Variants in SOAT1 observed in about 807,000 individuals in gnomAD.
The protein encoded by SOAT1 is acyl-coenzyme A:cholesterol acyltransferase 1.
In SOAT1, 55 loss-of-function variants were observed where a neutral mutation model predicts 69.5. The ratio of observed to expected loss-of-function variants is 0.79; its 90% confidence interval spans 0.64 to 0.99. SOAT1 has a LOEUF of 0.99. Ranked by LOEUF, SOAT1 falls within the 50% of genes least tolerant of loss-of-function variation. The pLI is 0.00. For missense variants in SOAT1, 580 were observed against 669.3 expected, an observed-to-expected ratio of 0.87 and a Z score of 1.47; for synonymous variants, 231 against 224.7, an observed-to-expected ratio of 1.03 and a Z score of -0.25.
chr1:179,342,467 T>G (rs3753525), intron 8 of SOAT1, among the ~76,000 whole-genome samples: 114,229 of 151,758 alleles, frequency 0.75, 43,151 homozygotes, highest in East Asian at 0.88. Flanking sequence ...AAATATATAT[T>G]ATCCATATTG....
At chr1:179,330,701 G>A (rs928273683) in intron 3 of SOAT1, among the ~76,000 whole-genome samples, 7 of 152,202 alleles carry the variant, frequency 4.6e-5, no homozygotes, top group African/African-American at 1.7e-4. Context: ...CATGGTAGAC[G>A]TTTCTCACTG....
At position 179,336,851 on chromosome 1, in the gene SOAT1, C is replaced by T. The variant is rs115354023; in HGVS notation, c.330-986C>T. Among the ~76,000 whole-genome samples, 673 of 152,100 alleles carry T rather than the reference C, an allele frequency of 4.4e-3. 7 individuals are homozygous for T. The highest frequency in any genetic ancestry group is 0.015 in the African/African-American group (640 of 41,490). On this transcript the variant is annotated intron_variant, in intron 4 of 15. Transcript: ENST00000367619. The stretch of plus-strand genomic sequence containing the variant: ...CTCTACTAAAAATACAAAAATTAGC[C>T]GGGTGCCATGGCAAGTGCCTATAAT...
intron 1 of SOAT1, among the ~76,000 whole-genome samples, chr1:179,302,181 A>G (rs1004679407): frequency 2.6e-5 from 4 of 152,166 alleles, no homozygotes; most frequent in African/African-American, 9.7e-5. Context: ...GTACCCAGAA[A>G]ATGCTTTGAA....
chr1:179,333,773 C>T (rs908466859), intron 3 of SOAT1, among the ~76,000 whole-genome samples: 6 of 142,496 alleles, frequency 4.2e-5, no homozygotes, highest in Admixed American at 1.5e-4. Flanking sequence ...GTGGAGGTTG[C>T]GGTGAGCTAG....
rs1187625007 is a variant in SOAT1, at chr1:179,356,102, A to AT, written c.*2467dup. 12 of 152,112 alleles carry AT rather than the reference A, an allele frequency of 7.9e-5. 1 individual carries two copies. Among genetic ancestry groups the AT allele is most frequent in the Admixed American group, 4.6e-4 (7 of 15,262 alleles). 9.4% of individuals were successfully genotyped at this position (152,112 alleles called of 1,614,324 possible). On this transcript the variant is annotated 3_prime_UTR_variant, in exon 16 of 16. Coordinates refer to ENST00000367619, the MANE Select transcript of SOAT1 (RefSeq NM_003101.6). ...TCTTGCTAATGTTTCAGGAAGATTT[A>AT]TTTTTTCTATTTTGCTATTGTGGCG... is the stretch of plus-strand genomic sequence containing the variant.
rs907189534 is a variant in SOAT1, at chr1:179,354,995, C to G, written c.*1354C>G. ...ATTGTTTTAAAGTCAGTTTGAGTCT[C>G]ACAAGAAGGTAAGTAGAGTTTCTTA... On this transcript the variant is annotated 3_prime_UTR_variant, in exon 16 of 16. Transcript: ENST00000367619. 5 of 152,294 alleles carry G rather than the reference C, an allele frequency of 3.3e-5. No homozygotes were observed. The East Asian group carries it at 9.6e-4, about 29-fold the overall frequency. 9.4% of individuals were successfully genotyped at this position (152,294 alleles called of 1,614,324 possible).
intron 2 of SOAT1, among the ~76,000 whole-genome samples, chr1:179,314,257 C>G (rs184710666): frequency 2.0e-5 from 3 of 152,234 alleles, no homozygotes; most frequent in Non-Finnish European, 2.9e-5. Flanking sequence ...AGGGTTTGCC[C>G]TGCATGTATT....
chr1:179,353,221 A>ATAAATATATAAATATATATATATT (rs1571463716), intron 15 of SOAT1, among the ~76,000 whole-genome samples: 4 of 72,244 alleles, frequency 5.5e-5, no homozygotes, highest in African/African-American at 1.8e-4. Context: ...ATATATATAT[A>ATAAATATATAAATATATATATATT]TATCTATTTG....
chr1:179,335,655 GAAGT>G lies in SOAT1; in HGVS notation c.329+4_329+7del, dbSNP rs777659967. 396 of 1,609,860 alleles carry G rather than the reference GAAGT, an allele frequency of 2.5e-4. No individual in the cohort carries two copies. Among genetic ancestry groups the G allele is most frequent in the Non-Finnish European group, 3.3e-4 (384 of 1,178,272 alleles). ...AAGGAGAGAAAAACAACCATAGAGC[GAAGT>G]AAGTATGTGCTATTTTCTTTTAATG... is the stretch of plus-strand genomic sequence containing the variant. On this transcript the variant is annotated splice_donor_variant and coding_sequence_variant, in exon 4 of 16. Transcript: ENST00000367619. LOFTEE classifies it high-confidence loss of function.
intron 6 of SOAT1, 106 bp downstream of exon 6, chr1:179,339,651 A>G (rs1273266650): frequency 4.9e-6 from 3 of 610,642 alleles, no homozygotes; most frequent in African/African-American, 1.9e-5. Flanking sequence ...AGGAAATCCT[A>G]AAGCAGCAGA....
chr1:179,336,376 A>G (rs1434774045), intron 4 of SOAT1, among the ~76,000 whole-genome samples: 1 of 146,350 alleles, frequency 6.8e-6, no homozygotes. Context: ...CAGGAGACTG[A>G]GGCATGAGAA....
chr1:179,298,584 A>T (rs1664731374), intron 1 of SOAT1, among the ~76,000 whole-genome samples: 3 of 152,150 alleles, frequency 2.0e-5, no homozygotes, highest in Admixed American at 1.3e-4. Flanking sequence ...TTCCTGCCTC[A>T]GCCTCCTGAG....
chr1:179,308,438 G>A (rs1260718294), intron 2 of SOAT1, among the ~76,000 whole-genome samples: 1 of 151,962 alleles, frequency 6.6e-6, no homozygotes, highest in Non-Finnish European at 1.5e-5. Flanking sequence ...TTGGGAGGCC[G>A]AGGCAGGCAG....
chr1:179,315,275 C>T (rs1037688350), intron 2 of SOAT1, among the ~76,000 whole-genome samples: 9 of 152,006 alleles, frequency 5.9e-5, no homozygotes, highest in Non-Finnish European at 5.9e-5. Flanking sequence ...CGAGGCTCTG[C>T]CTTTACAAAA....
chr1:179,297,904 AG>A (rs1160261796), intron 1 of SOAT1, among the ~76,000 whole-genome samples: 1 of 150,376 alleles, frequency 6.6e-6, no homozygotes, highest in Non-Finnish European at 1.5e-5. Flanking sequence ...CCAGAGGCTG[AG>A]GCAGGAGAAT....
intron 3 of SOAT1, 108 bp downstream of exon 3, chr1:179,323,603 C>G (rs943302283): frequency 5.7e-6 from 5 of 874,812 alleles, no homozygotes; most frequent in Non-Finnish European, 7.3e-6. Context: ...AGCCATTCAT[C>G]AGTTGCTGTT....
chr1:179,313,179 C>G (rs974872663), intron 2 of SOAT1, among the ~76,000 whole-genome samples: 1 of 152,158 alleles, frequency 6.6e-6, no homozygotes, highest in Admixed American at 6.5e-5. Context: ...TGGCCGTGTT[C>G]ATTCTTTTGT....
intron 4 of SOAT1, among the ~76,000 whole-genome samples, chr1:179,337,382 G>A (rs1316356748): frequency 6.6e-6 from 1 of 152,220 alleles, no homozygotes; most frequent in Non-Finnish European, 1.5e-5. Flanking sequence ...AAACATCAGT[G>A]CAGTTTCAGA....
At chr1:179,301,803 C>T (rs562909720) in intron 1 of SOAT1, among the ~76,000 whole-genome samples, 140 of 152,254 alleles carry the variant, frequency 9.2e-4, no homozygotes, top group African/African-American at 2.4e-3. Flanking sequence ...GTTCCCTGAA[C>T]GGGGCTTATA....
Sources: gnomAD v4.1 joint callset for allele counts (sites outside exome capture counted in the v4.1 genomes callset) on GRCh38, gnomAD v4.1.1 for gene constraint, MANE v1.5 for transcripts, NCBI Gene and HGNC (gene_info 2026-07-23, HGNC 2026-07-21) for gene names.